CTHRC1: variants seen among roughly 807,000 people sequenced by gnomAD.
CTHRC1 encodes collagen triple helix repeat containing 1, also known as collagen triple helix repeat-containing protein 1.
A neutral mutation model predicts 25.9 loss-of-function variants in CTHRC1; 21 were observed. The ratio of observed to expected loss-of-function variants is 0.81; its 90% CI spans 0.57 to 1.17. The LOEUF is 1.17. Among genes scored for constraint, CTHRC1 ranks in the 50% most tolerant of loss-of-function variants. The pLI is 0.00. For missense variants in CTHRC1, 281 were observed against 304.3 expected (o/e 0.92, Z 0.57); for synonymous variants, 109 against 113.1 (o/e 0.96, Z 0.23).
intron 2 of CTHRC1, 84 bp downstream of exon 2, chr8:103,376,043 TTTTTA>T (rs1815799598): frequency 4.5e-6 from 5 of 1,111,444 alleles, no homozygotes; most frequent in Non-Finnish European, 6.7e-6. Flanking sequence ...ATTTTATTTT[TTTTTA>T]ACTAAAAGAC....
intron 2 of CTHRC1, among the ~76,000 whole-genome samples, chr8:103,377,806 GTT>G (rs1164454806): frequency 6.6e-6 from 1 of 152,130 alleles, no homozygotes; most frequent in African/African-American, 2.4e-5. Context: ...GTTTCGCCAT[GTT>G]GGCCAGGCTT....
Position 103,375,739 on chromosome 8 carries a change from A to C in CTHRC1, c.152A>C (p.Tyr51Ser), listed in dbSNP as rs1227222822. The C allele has an allele frequency of 1.9e-6, 3 of 1,612,956 alleles. No individual in the cohort carries two copies. Among genetic ancestry groups the C allele is most frequent in the Non-Finnish European group, 2.5e-6 (3 of 1,179,082 alleles). Reference sequence around the variant, plus strand: ...TTTGCCTTTTCTTTCTCATTATAGTATAATGGAATGTGCTTACAAGGGCCA... The same window carrying C: ...TTTGCCTTTTCTTTCTCATTATAGTCTAATGGAATGTGCTTACAAGGGCCA... ...QLRQREVVDL[Y>S]NGMCLQGPAG... Residue 51 changes from tyrosine (Y) to serine (S), a missense_variant and splice_region_variant, in exon 2 of 4, where the codon TAT (tyrosine) becomes TCT (serine). By Grantham distance (144) the Tyr-to-Ser change is moderately radical (BLOSUM62 -2). Coordinates refer to ENST00000330295, the MANE Select transcript of CTHRC1 (RefSeq NM_138455.4).
In CTHRC1 at chr8:103,382,900, T is replaced by TA. The variant is rs1355288040; in HGVS notation, c.*307dup. On this transcript the variant is annotated 3_prime_UTR_variant, in exon 4 of 4. Transcript: ENST00000330295. ...GTTTTTTCTCTTAGTATAGCATTTT[T>TA]AAAAAAATATAAAAGCTACCAATCT... is the stretch of plus-strand genomic sequence containing the variant. The TA allele has an allele frequency of 2.2e-5, 5 of 225,836 alleles. No individual in the cohort carries two copies. The East Asian group carries it at 5.4e-4, about 25-fold the overall frequency. 14.0% of individuals were successfully genotyped at this position (225,836 alleles called of 1,614,324 possible). A position where few individuals can be genotyped will look rare whatever the true frequency, so the allele number is the denominator to read the frequency against.
chr8:103,379,190 G>A (rs1385549258), intron 3 of CTHRC1, among the ~76,000 whole-genome samples: 2 of 152,166 alleles, frequency 1.3e-5, no homozygotes, highest in Non-Finnish European at 2.9e-5. Context: ...GACATTCAGT[G>A]GTCACTTAAA....
At chr8:103,372,581 C>T (rs1410259360) in intron 1 of CTHRC1, 1 of 1,598,326 alleles carries the variant, frequency 6.3e-7, no homozygotes, top group Admixed American at 1.7e-5. Flanking sequence ...GCATCACAGT[C>T]AAGCTACGGG....
chr8:103,382,682 G>A lies in CTHRC1; in HGVS notation c.*82G>A, dbSNP rs565870857. The A allele has an allele frequency of 1.9e-4, 224 of 1,203,214 alleles. 2 individuals are homozygous for A. In the South Asian group the frequency reaches 2.5e-3, roughly 13 times the overall value. The allele number at this position is 1,203,214 out of a possible 1,614,324, so 74.5% of individuals were successfully genotyped here. ...TAAATGACATTTTAAATAAGTTTAT[G>A]TATACATCTGAATGAAAAGCAAAGC... On this transcript the variant is annotated 3_prime_UTR_variant, in exon 4 of 4. Coordinates refer to ENST00000330295, the MANE Select transcript of CTHRC1 (RefSeq NM_138455.4).
rs538355519 is a variant in CTHRC1, at chr8:103,377,776, T to G, written c.373-251T>G. ...GCGCCACCACACCCAGCAAATTTTT[T>G]GTATTTTTAGTAGAGATGGGTTTCG... On this transcript the variant is annotated intron_variant, in intron 2 of 3. Transcript: ENST00000330295. 1.4e-4 allele frequency among the ~76,000 whole-genome samples: 22 copies of G among 152,266 alleles called. No individual in the cohort carries two copies. In the South Asian group the frequency reaches 1.7e-3, roughly 11 times the overall value.
rs1331288970 is a variant in CTHRC1, at chr8:103,375,743, T to C, written c.156T>C (p.Asn52=). 8 of 1,613,548 alleles carry C rather than the reference T, an allele frequency of 5.0e-6. No individual in the cohort carries two copies. Among genetic ancestry groups the C allele is most frequent in the Non-Finnish European group, 6.8e-6 (8 of 1,179,490 alleles). ...LRQREVVDLY[N]GMCLQGPAGV... Reference sequence around the variant, plus strand: ...CCTTTTCTTTCTCATTATAGTATAATGGAATGTGCTTACAAGGGCCAGCAG... The same window carrying C: ...CCTTTTCTTTCTCATTATAGTATAACGGAATGTGCTTACAAGGGCCAGCAG... Residue 52 remains asparagine, a synonymous_variant, in exon 2 of 4, where the codon AAT becomes AAC. Coordinates refer to ENST00000330295, the MANE Select transcript of CTHRC1 (RefSeq NM_138455.4).
At chr8:103,371,893 G>T in intron 1 of CTHRC1, 87 bp downstream of exon 1, 1 of 1,315,594 alleles carries the variant, frequency 7.6e-7, no homozygotes, top group East Asian at 2.8e-5. Context: ...CAGTCTGGCT[G>T]TTGGGGGTGT....
At chr8:103,380,209 A>G (rs777946944) in intron 3 of CTHRC1, among the ~76,000 whole-genome samples, 1 of 152,232 alleles carries the variant, frequency 6.6e-6, no homozygotes, top group Non-Finnish European at 1.5e-5. Flanking sequence ...GTTATCTTTA[A>G]GGTGTGTGTT....
intron 2 of CTHRC1, among the ~76,000 whole-genome samples, chr8:103,376,202 A>G (rs1319605125): frequency 6.6e-6 from 1 of 152,214 alleles, no homozygotes; most frequent in African/African-American, 2.4e-5. Flanking sequence ...ACTTTTTAAA[A>G]ATGCAAACAA....
Position 103,382,564 on chromosome 8 carries a change from A to T in CTHRC1, c.696A>T (p.Ser232=). ...GAGATGCTTCTACTGGATGGAATTC[A>T]GTTTCTCGCATCATTATTGAAGAAC... ...PKGDASTGWN[S]VSRIIIEELP... is the part of the protein sequence containing the mutation. Residue 232 remains serine (S), a synonymous_variant, in exon 4 of 4, where the codon TCA becomes TCT. Coordinates refer to ENST00000330295, the MANE Select transcript of CTHRC1 (RefSeq NM_138455.4). 6.2e-7 allele frequency: 1 copy of T among 1,613,600 alleles called. No homozygotes were observed.
At chr8:103,374,604 C>G (rs7839421) in intron 1 of CTHRC1, among the ~76,000 whole-genome samples, 41,271 of 152,028 alleles carry the variant, frequency 0.27, 6,593 homozygotes, top group African/African-American at 0.43. Context: ...TGCTAATGCT[C>G]TCTTCCCCAG....
intron 1 of CTHRC1, among the ~76,000 whole-genome samples, chr8:103,375,018 C>T (rs531881252): frequency 1.7e-4 from 26 of 152,048 alleles, no homozygotes; most frequent in African/African-American, 6.0e-4. Flanking sequence ...TGTGGATGGT[C>T]CCCTATTGAG....
chr8:103,373,730 T>C (rs1815754520), intron 1 of CTHRC1, among the ~76,000 whole-genome samples: 1 of 148,772 alleles, frequency 6.7e-6, no homozygotes, highest in South Asian at 2.2e-4. Context: ...TCCCAAGTTG[T>C]GACAACCAAA....
chr8:103,378,317 T>C (rs1338723823), intron 3 of CTHRC1, 74 bp downstream of exon 3: 3 of 1,214,378 alleles, frequency 2.5e-6, no homozygotes, highest in Non-Finnish European at 3.6e-6. Flanking sequence ...ACTATCATGT[T>C]GGTTCACTAG....
chr8:103,375,663 A>G, intron 1 of CTHRC1, 75 bp from the exon 2 acceptor site: 1 of 1,262,786 alleles, frequency 7.9e-7, no homozygotes, highest in Non-Finnish European at 1.2e-6. Flanking sequence ...CTCAAAATAA[A>G]TGCATTTCTA....
At chr8:103,376,174 T>C in intron 2 of CTHRC1, 1 of 608,778 alleles carries the variant, frequency 1.6e-6, no homozygotes, top group East Asian at 2.7e-5. Context: ...ATTTTAACCA[T>C]AGTATCTAAA....
At chr8:103,382,055 T>C (rs1815922730) in intron 3 of CTHRC1, among the ~76,000 whole-genome samples, 1 of 152,122 alleles carries the variant, frequency 6.6e-6, no homozygotes, top group African/African-American at 2.4e-5. Flanking sequence ...AGCAGATAAG[T>C]GTCGGAAAGG....
Sources: gnomAD v4.1 joint callset for allele counts (sites outside exome capture counted in the v4.1 genomes callset) on GRCh38, gnomAD v4.1.1 for gene constraint, MANE v1.5 for transcripts, NCBI Gene and HGNC (gene_info 2026-07-23, HGNC 2026-07-21) for gene names.